Variants in VAT1L observed in about 807,000 individuals in gnomAD.
VAT1L encodes vesicle amine transport 1 like, also known as putative NADPH-dependent quinone oxidoreductase VAT1L.
A neutral mutation model predicts 44.1 loss-of-function variants in VAT1L; 34 were observed. The observed-to-expected ratio is 0.77, with a 90% CI of 0.59 to 1.03. The LOEUF (loss-of-function observed/expected upper bound fraction) is 1.03, where lower values mean the gene tolerates loss of function less well. Ranked by LOEUF, VAT1L falls within the 50% of genes least tolerant of loss-of-function variation. The probability of loss-of-function intolerance (pLI) is 0.00; values close to 1 mark genes in which losing one functional copy is unlikely to be tolerated. For missense variants in VAT1L, 615 were observed against 538.8 expected, an observed-to-expected ratio of 1.14 and a Z score of -1.40; for synonymous variants, 253 against 202.2, an observed-to-expected ratio of 1.25 and a Z score of -2.13.
intron 7 of VAT1L, among the ~76,000 whole-genome samples, chr16:77,967,481 C>A (rs374987): frequency 0.23 from 35,135 of 152,052 alleles, 4,547 homozygotes; most frequent in South Asian, 0.32. Context: ...AGAAAGGCTC[C>A]AAGAGCAGCC....
rs543346947 is a variant in VAT1L at position 77,891,163 on chromosome 16, G to A, written c.1077+6361G>A. Among the ~76,000 whole-genome samples the A allele has an allele frequency of 5.9e-5, 9 of 152,004 alleles. No homozygotes were observed. In the East Asian group the frequency reaches 1.7e-3, roughly 30 times the overall value. On this transcript the variant is annotated intron_variant, in intron 7 of 8. Transcript: ENST00000302536. ...AGGTGAGGAGATCCAGACAATCCTG[G>A]CTAACACGGTGAAACCCCGTCACTA...
intron 7 of VAT1L, among the ~76,000 whole-genome samples, chr16:77,962,214 G>A (rs1325748625): frequency 6.6e-6 from 1 of 152,098 alleles, no homozygotes; most frequent in Admixed American, 6.5e-5. Context: ...CCACCCCAGA[G>A]TCCCACCCAC....
intron 7 of VAT1L, among the ~76,000 whole-genome samples, chr16:77,890,901 G>A (rs2017258189): frequency 6.8e-6 from 1 of 146,200 alleles, no homozygotes; most frequent in African/African-American, 2.6e-5. Flanking sequence ...TCCAGCCTGG[G>A]TGACAGAGGA....
intron 3 of VAT1L, among the ~76,000 whole-genome samples, chr16:77,828,434 C>A (rs912960659): frequency 3.3e-5 from 5 of 152,094 alleles, no homozygotes; most frequent in Admixed American, 6.5e-5. Context: ...GAGGCCAATG[C>A]GGGCGGATCA....
At chr16:77,839,261 C>A (rs569817516) in intron 3 of VAT1L, among the ~76,000 whole-genome samples, 2 of 151,992 alleles carry the variant, frequency 1.3e-5, no homozygotes, top group Admixed American at 1.3e-4. Context: ...CACGGCCGGG[C>A]GCGATGGCTC....
At chr16:77,891,593 G>A (rs146538253) in intron 7 of VAT1L, among the ~76,000 whole-genome samples, 60 of 152,234 alleles carry the variant, frequency 3.9e-4, no homozygotes, top group Non-Finnish European at 5.1e-4. Flanking sequence ...CCTCAGTCTC[G>A]CTGAGTCTTC....
At chr16:77,924,727 G>A (rs1228686203) in intron 7 of VAT1L, among the ~76,000 whole-genome samples, 3 of 152,136 alleles carry the variant, frequency 2.0e-5, no homozygotes, top group Admixed American at 1.3e-4. Flanking sequence ...CCAAAGTGCT[G>A]GGATTACAGG....
At chr16:77,822,785 C>T (rs1325954109) in intron 2 of VAT1L, among the ~76,000 whole-genome samples, 1 of 152,154 alleles carries the variant, frequency 6.6e-6, no homozygotes, top group African/African-American at 2.4e-5. Context: ...GCAGACCAGA[C>T]TTTGCCTTGC....
chr16:77,859,726 T>C (rs2016896951), intron 3 of VAT1L, among the ~76,000 whole-genome samples: 1 of 152,140 alleles, frequency 6.6e-6, no homozygotes, highest in Non-Finnish European at 1.5e-5. Flanking sequence ...GATAACACAG[T>C]TTCTGAATAT....
intron 7 of VAT1L, among the ~76,000 whole-genome samples, chr16:77,922,439 A>T (rs2017622216): frequency 6.6e-6 from 1 of 152,172 alleles, no homozygotes; most frequent in African/African-American, 2.4e-5. Context: ...GCTGCTTATT[A>T]ATGGCTGCAA....
chr16:77,971,085 C>T (rs375146611), intron 7 of VAT1L, among the ~76,000 whole-genome samples: 1 of 151,950 alleles, frequency 6.6e-6, no homozygotes, highest in Non-Finnish European at 1.5e-5. Context: ...TGGGCCTGTA[C>T]CAAGCACCAA....
chr16:77,899,135 A>C (rs1264877040), intron 7 of VAT1L, among the ~76,000 whole-genome samples: 1 of 152,156 alleles, frequency 6.6e-6, no homozygotes, highest in Non-Finnish European at 1.5e-5. Flanking sequence ...TCCTGTAGGG[A>C]AAGAACTATT....
chr16:77,863,678 G>T (rs974433227), intron 4 of VAT1L, among the ~76,000 whole-genome samples: 1 of 152,172 alleles, frequency 6.6e-6, no homozygotes, highest in Non-Finnish European at 1.5e-5. Context: ...TCAGAGGCTG[G>T]GAGAACTACA....
intron 8 of VAT1L, among the ~76,000 whole-genome samples, chr16:77,973,012 T>C (rs2018296907): frequency 6.6e-6 from 1 of 151,468 alleles, no homozygotes; most frequent in Non-Finnish European, 1.5e-5. Context: ...TTCACCAGAA[T>C]AAAACCCTTA....
chr16:77,955,131 T>C (rs1405772786), intron 7 of VAT1L, among the ~76,000 whole-genome samples: 2 of 152,214 alleles, frequency 1.3e-5, no homozygotes, highest in Non-Finnish European at 2.9e-5. Flanking sequence ...ACATGTTATG[T>C]GGATACTGAG....
At chr16:77,956,958 A>G (rs1467820463) in intron 7 of VAT1L, among the ~76,000 whole-genome samples, 1 of 152,182 alleles carries the variant, frequency 6.6e-6, no homozygotes, top group Non-Finnish European at 1.5e-5. Context: ...CTTAGGTACT[A>G]AAAATACCAC....
Position 77,876,421 on chromosome 16 carries a change from C to T in VAT1L, c.774C>T (p.Asn258=). The stretch of plus-strand genomic sequence containing the variant: ...TTTTGGATTGCCTCTGTGGGGACAA[C>T]ACTGGAAAAGGTCTCAGTCTTCTCA... ...DIVLDCLCGD[N]TGKGLSLLKP... Residue 258 remains asparagine (N), a synonymous_variant, in exon 5 of 9, where the codon AAC becomes AAT. Coordinates refer to ENST00000302536, the MANE Select transcript of VAT1L (RefSeq NM_020927.3). 2 of 1,614,172 alleles carry T rather than the reference C, an allele frequency of 1.2e-6. No homozygotes were observed. The highest frequency in any genetic ancestry group is 1.6e-4 in the Middle Eastern group (1 of 6,062).
At chr16:77,840,800 C>G (rs1249473569) in intron 3 of VAT1L, among the ~76,000 whole-genome samples, 3 of 152,170 alleles carry the variant, frequency 2.0e-5, no homozygotes, top group African/African-American at 7.2e-5. Flanking sequence ...CTCTCGAAGT[C>G]TCAGCTTGCT....
At chr16:77,886,625 G>A (rs889520238) in intron 7 of VAT1L, among the ~76,000 whole-genome samples, 1 of 152,192 alleles carries the variant, frequency 6.6e-6, no homozygotes, top group South Asian at 2.1e-4. Context: ...CTACAATGAT[G>A]AACAAATGGA....
Sources: allele counts gnomAD v4.1 joint callset (sites outside exome capture counted in the v4.1 genomes callset), GRCh38; gene constraint gnomAD v4.1.1; transcripts MANE v1.5; gene names NCBI Gene and HGNC (gene_info 2026-07-23, HGNC 2026-07-21).